The following SHC4 variants were observed in gnomAD, a reference collection of about 807,000 sequenced individuals.
SHC4 encodes the protein SHC adaptor protein 4, also known as SHC-transforming protein 4.
In SHC4, 41 loss-of-function variants were observed where a neutral mutation model predicts 69.4. The observed-to-expected ratio is 0.59, with a 90% CI of 0.46 to 0.77. The LOEUF is 0.77. Ranked by LOEUF, SHC4 falls within the 30% of genes least tolerant of loss-of-function variation. The probability of loss-of-function intolerance (pLI) is 0.00; values close to 1 mark genes in which losing one functional copy is unlikely to be tolerated. For missense variants in SHC4, 777 were observed against 783.8 expected, an observed-to-expected ratio of 0.99 and a Z score of 0.10; for synonymous variants, 318 against 299.3, an observed-to-expected ratio of 1.06 and a Z score of -0.64.
chr15:48,847,212 C>T (rs1899110912), intron 9 of SHC4, among the ~76,000 whole-genome samples: 1 of 152,086 alleles, frequency 6.6e-6, no homozygotes, highest in South Asian at 2.1e-4. Flanking sequence ...AAGACCCTTT[C>T]CAGCTTTCCT....
At chr15:48,932,711 G>T (rs1900991097) in intron 1 of SHC4, among the ~76,000 whole-genome samples, 1 of 152,044 alleles carries the variant, frequency 6.6e-6, no homozygotes, top group Non-Finnish European at 1.5e-5. Flanking sequence ...CCTACCTGCA[G>T]CCTTGATCTT....
chr15:48,910,636 T>TTCTCTAG lies in SHC4; in HGVS notation c.656+14242_656+14243insCTAGAGA, dbSNP rs530216235. Reference sequence around the variant, plus strand: ...GTTTGGTTTGTTCTTGTTTCTCTAGTTCCTTGAGGTGTGACTTTAGATTGT... The same window carrying TTCTCTAG: ...GTTTGGTTTGTTCTTGTTTCTCTAGTTCTCTAGTCCTTGAGGTGTGACTTTAGATTGT... On this transcript the variant is annotated intron_variant, in intron 2 of 11. Coordinates refer to ENST00000332408, the MANE Select transcript of SHC4 (RefSeq NM_203349.4). 4.5e-3 allele frequency among the ~76,000 whole-genome samples: 682 copies of TTCTCTAG among 152,276 alleles called. 2 individuals carry two copies. Among genetic ancestry groups the TTCTCTAG allele is most frequent in the Non-Finnish European group, 7.3e-3 (498 of 68,012 alleles).
At chr15:48,939,071 A>G (rs1045745817) in intron 1 of SHC4, among the ~76,000 whole-genome samples, 1 of 152,232 alleles carries the variant, frequency 6.6e-6, no homozygotes, top group Non-Finnish European at 1.5e-5. Context: ...ACTGGCACAT[A>G]CAAAGGTCTC....
At chr15:48,863,904 T>C (rs1899501761) in intron 6 of SHC4, among the ~76,000 whole-genome samples, 1 of 152,180 alleles carries the variant, frequency 6.6e-6, no homozygotes, top group South Asian at 2.1e-4. Flanking sequence ...TTTTCTCACC[T>C]CCAGTGTTTT....
At chr15:48,931,994 C>A (rs984164239) in intron 1 of SHC4, among the ~76,000 whole-genome samples, 1 of 151,852 alleles carries the variant, frequency 6.6e-6, no homozygotes, top group Non-Finnish European at 1.5e-5. Context: ...CATCCAGATG[C>A]GTGGGAGTTG....
chr15:48,911,113 T>C (rs1411078248), intron 2 of SHC4, among the ~76,000 whole-genome samples: 3 of 152,220 alleles, frequency 2.0e-5, no homozygotes, highest in African/African-American at 4.8e-5. Context: ...ATCCATTGTT[T>C]ATTTGTTGAC....
Position 48,826,047 on chromosome 15 carries a change from G to A in SHC4, c.1817C>T (p.Ser606Phe), listed in dbSNP as rs936513921. The A allele has an allele frequency of 1.9e-6, 3 of 1,613,860 alleles. No homozygotes were observed. Among genetic ancestry groups the A allele is most frequent in the African/African-American group, 1.3e-5 (1 of 74,884 alleles). ...TTTAAGGCTTACTTCGCTTCCAGAG[G>A]AGATGATTGGCAAACTGTTATCCAT... ...YHMDNSLPII[S>F]SGSEVSLKQP... The change falls in exon 12 of 12, where the codon TCC (serine) becomes TTC (phenylalanine). Residue 606 changes from serine (S) to phenylalanine (F), a missense_variant. Ser to Phe is a radical substitution (Grantham distance 155). Coordinates refer to ENST00000332408, the MANE Select transcript of SHC4 (RefSeq NM_203349.4).
chr15:48,921,457 C>G (rs1900752554), intron 2 of SHC4, among the ~76,000 whole-genome samples: 1 of 151,956 alleles, frequency 6.6e-6, no homozygotes, highest in Non-Finnish European at 1.5e-5. Context: ...GCCTCAGCCT[C>G]CCAAGTAGCT....
rs572764029 is a variant in SHC4, at chr15:48,856,323, C to A, written c.1071-199G>T. On this transcript the variant is annotated intron_variant, in intron 7 of 11. Transcript: ENST00000332408. ...GTTGTTTAGCTTTCTGTAGACAAAA[C>A]GGGGTAAGCCAATAGAAAGTGCCAA... Among the ~76,000 whole-genome samples, 8 of 152,174 alleles carry A rather than the reference C, an allele frequency of 5.3e-5. No homozygotes were observed. In the East Asian group the frequency reaches 1.5e-3, roughly 29 times the overall value.
intron 8 of SHC4, among the ~76,000 whole-genome samples, chr15:48,853,837 T>G (rs552772670): frequency 3.0e-4 from 46 of 152,152 alleles, no homozygotes; most frequent in Admixed American, 2.6e-3. Context: ...CAAGATAGAT[T>G]AAATATATAA....
rs28789529 is a variant in SHC4, at chr15:48,910,192, T to C, written c.656+14687A>G. Among the ~76,000 whole-genome samples, 971 of 151,906 alleles carry C rather than the reference T, an allele frequency of 6.4e-3. 10 individuals carry two copies. The highest frequency in any genetic ancestry group is 0.023 in the African/African-American group (940 of 41,520). ...TGTGAATCCATCTGGTCCTGGAGGT[T>C]TTTTTTTGTTGTTGGTAATTTTTAA... On this transcript the variant is annotated intron_variant, in intron 2 of 11. Transcript: ENST00000332408.
In SHC4 at chr15:48,877,520, A is replaced by G. The variant is rs757759941; in HGVS notation, c.841-5378T>C. 5.3e-4 allele frequency: 524 copies of G among 984,932 alleles called. 1 individual carries two copies. The highest frequency in any genetic ancestry group is 6.2e-4 in the Non-Finnish European group (515 of 829,676). The allele number at this position is 984,932 out of a possible 1,614,324, so 61.0% of individuals were successfully genotyped here. ...CAAAATAGTATTTTGCTGTCAATAC[A>G]TAAAGATACATGTAAATGCAAATAA... On this transcript the variant is annotated intron_variant, in intron 4 of 11. Coordinates refer to ENST00000332408, the MANE Select transcript of SHC4 (RefSeq NM_203349.4).
chr15:48,936,115 T>C (rs1901065832), intron 1 of SHC4, among the ~76,000 whole-genome samples: 1 of 152,128 alleles, frequency 6.6e-6, no homozygotes, highest in Non-Finnish European at 1.5e-5. Context: ...TAGAACATAG[T>C]AGACCCTCCA....
intron 1 of SHC4, among the ~76,000 whole-genome samples, chr15:48,933,755 T>C (rs918243614): frequency 2.0e-5 from 3 of 152,160 alleles, no homozygotes; most frequent in Non-Finnish European, 4.4e-5. Context: ...ATGATAGACA[T>C]ATAGATTAGT....
At chr15:48,865,032 T>G (rs543057266) in intron 6 of SHC4, among the ~76,000 whole-genome samples, 2 of 152,330 alleles carry the variant, frequency 1.3e-5, no homozygotes, top group African/African-American at 4.8e-5. Flanking sequence ...TTCACCTGTG[T>G]CTTTTTTTAC....
rs1294317133 is a variant in SHC4, at chr15:48,962,998, C to T, written c.18G>A (p.Gln6=). 4.4e-6 allele frequency: 7 copies of T among 1,608,214 alleles called. No individual in the cohort carries two copies. The highest frequency in any genetic ancestry group is 5.9e-6 in the Non-Finnish European group (7 of 1,177,036). MRERG[Q]DSLAGLVLYV... ...ACAGCACGAGTCCTGCCAGGCTGTC[C>T]TGGCCGCGTTCTCGCATAGCCTTGG... The change falls in exon 1 of 12, where the codon CAG becomes CAA. Residue 6 remains glutamine, a synonymous_variant. Transcript: ENST00000332408.
In SHC4 at chr15:48,877,403, A is replaced by G. The variant is rs573119142; in HGVS notation, c.841-5261T>C. 2.1e-5 allele frequency: 20 copies of G among 957,642 alleles called. No individual in the cohort carries two copies. In the South Asian group the frequency reaches 9.2e-4, roughly 44 times the overall value. 59.3% of individuals were successfully genotyped at this position (957,642 alleles called of 1,614,324 possible). A position where few individuals can be genotyped will look rare whatever the true frequency, so the allele number is the denominator to read the frequency against. ...GTGCTTGAATCCTGTAAGTATACAC[A>G]GTCATATAATTCATATAAGTATATA... On this transcript the variant is annotated intron_variant, in intron 4 of 11. Transcript: ENST00000332408.
intron 9 of SHC4, among the ~76,000 whole-genome samples, chr15:48,848,454 C>A (rs967878481): frequency 4.6e-5 from 7 of 152,166 alleles, no homozygotes; most frequent in Non-Finnish European, 1.0e-4. Context: ...ATAGAACTTT[C>A]TATTGTTTTA....
At chr15:48,851,784 G>C (rs1899219395) in intron 8 of SHC4, among the ~76,000 whole-genome samples, 1 of 152,194 alleles carries the variant, frequency 6.6e-6, no homozygotes, top group Non-Finnish European at 1.5e-5. Context: ...GAGATGAACA[G>C]TGTCTTTAGA....
Sources: gnomAD v4.1 joint callset for allele counts (sites outside exome capture counted in the v4.1 genomes callset) on GRCh38, gnomAD v4.1.1 for gene constraint, MANE v1.5 for transcripts, NCBI Gene and HGNC (gene_info 2026-07-23, HGNC 2026-07-21) for gene names.